Variants in ZNF382 observed in about 807,000 individuals in gnomAD.
The protein encoded by ZNF382 is KRAB/zinc finger suppressor protein 1.
Under a neutral mutation model 38.8 loss-of-function variants are expected in ZNF382, and 20 were observed. That is an observed-to-expected ratio of 0.51 (90% confidence interval 0.36 to 0.75). The LOEUF (loss-of-function observed/expected upper bound fraction) is 0.75. ZNF382 is among the 30% of genes least tolerant of loss of function. The pLI is 0.00. For missense variants in ZNF382, 546 were observed against 654.1 expected (o/e 0.83, Z 1.80); for synonymous variants, 202 against 223.1 (o/e 0.91, Z 0.84).
chr19:36,615,809 T>G (rs1050322663), intron 4 of ZNF382, among the ~76,000 whole-genome samples: 1 of 152,214 alleles, frequency 6.6e-6, no homozygotes, highest in Non-Finnish European at 1.5e-5. Flanking sequence ...TAAGTTGAAT[T>G]TATAGTTTTT....
chr19:36,621,235 T>C (rs1466151724), intron 4 of ZNF382, among the ~76,000 whole-genome samples: 2 of 151,940 alleles, frequency 1.3e-5, no homozygotes, highest in African/African-American at 4.8e-5. Context: ...TATTCTGATT[T>C]GCCATTGACA....
At chr19:36,622,862 A>G (rs1052160851) in intron 4 of ZNF382, among the ~76,000 whole-genome samples, 8 of 152,184 alleles carry the variant, frequency 5.3e-5, no homozygotes, top group African/African-American at 1.4e-4. Flanking sequence ...ACTATATAAT[A>G]TATCATTTAG....
intron 1 of ZNF382, among the ~76,000 whole-genome samples, chr19:36,607,062 A>G (rs942231284): frequency 6.8e-6 from 1 of 146,582 alleles, no homozygotes; most frequent in African/African-American, 2.5e-5. Context: ...GGGCAACAAG[A>G]GTGAAACTCT....
rs2037064957 is a variant in ZNF382, at chr19:36,610,073, C to A, written c.139+20C>A. On this transcript the variant is annotated intron_variant, in intron 3 of 4. Coordinates refer to ENST00000292928, the MANE Select transcript of ZNF382 (RefSeq NM_032825.5). ...CTGTGGGTAAGAAACACTCCTGAAT[C>A]TTTCACTGTCATGCATCTCCTTCTA... 6.2e-7 allele frequency: 1 copy of A among 1,612,176 alleles called. No homozygotes were observed. Among genetic ancestry groups the A allele is most frequent in the African/African-American group, 1.3e-5 (1 of 74,826 alleles).
At chr19:36,608,878 T>C (rs1398158495) in intron 2 of ZNF382, 2 of 152,262 alleles carry the variant, frequency 1.3e-5, no homozygotes, top group Non-Finnish European at 2.9e-5. Context: ...TTTTCCACTC[T>C]ACAGCCAATT....
In ZNF382 at chr19:36,613,862, C is replaced by T. The variant is rs190109335; in HGVS notation, c.232+3120C>T. 9.0e-4 allele frequency among the ~76,000 whole-genome samples: 137 copies of T among 152,260 alleles called. 1 individual carries two copies. The highest frequency in any genetic ancestry group is 9.3e-4 in the Non-Finnish European group (63 of 68,018). On this transcript the variant is annotated intron_variant, in intron 4 of 4. Transcript: ENST00000292928. ...AATTTGTTCCATCAGTATTTATTGA[C>T]TGAATTACTATGGTGATCATAGAGA...
chr19:36,624,922 G>C (rs1441922199), intron 4 of ZNF382, among the ~76,000 whole-genome samples: 4 of 150,634 alleles, frequency 2.7e-5, no homozygotes, highest in Non-Finnish European at 5.9e-5. Context: ...TCAAAAATTA[G>C]CTGGATATGG....
intron 1 of ZNF382, among the ~76,000 whole-genome samples, chr19:36,606,746 A>AT (rs2037032350): frequency 6.6e-6 from 1 of 152,020 alleles, no homozygotes; most frequent in African/African-American, 2.4e-5. Flanking sequence ...TATTTGATAG[A>AT]TTTTTAATAA....
intron 1 of ZNF382, chr19:36,605,831 T>A (rs1301744865): frequency 1.3e-5 from 2 of 152,650 alleles, no homozygotes; most frequent in African/African-American, 4.8e-5. Flanking sequence ...TATTTTTAGA[T>A]TAGGTGTGAG....
rs564406670 is a variant in ZNF382 at position 36,625,589 on chromosome 19, C to T, written c.233-541C>T. Among the ~76,000 whole-genome samples the T allele has an allele frequency of 9.8e-4, 145 of 147,452 alleles. 1 individual carries two copies. Among genetic ancestry groups the T allele is most frequent in the Non-Finnish European group, 1.3e-3 (86 of 67,234 alleles). On this transcript the variant is annotated intron_variant, in intron 4 of 4. Transcript: ENST00000292928. Reference sequence around the variant, plus strand: ...TGGGTGGGGCGGGGGGACAGAGTTTCGCTCTTGTTGCCCAGGCTGGAGTGC... The same window carrying T: ...TGGGTGGGGCGGGGGGACAGAGTTTTGCTCTTGTTGCCCAGGCTGGAGTGC...
At chr19:36,615,697 A>G (rs1365585865) in intron 4 of ZNF382, among the ~76,000 whole-genome samples, 2 of 152,242 alleles carry the variant, frequency 1.3e-5, no homozygotes, top group Non-Finnish European at 2.9e-5. Context: ...AGTTAAATAC[A>G]TAGGTTTGTT....
chr19:36,612,974 G>T (rs1456389565), intron 4 of ZNF382, among the ~76,000 whole-genome samples: 1 of 152,002 alleles, frequency 6.6e-6, no homozygotes, highest in African/African-American at 2.4e-5. Context: ...TGTATTTTTA[G>T]TAGAGACGGG....
intron 4 of ZNF382, among the ~76,000 whole-genome samples, chr19:36,614,541 T>A (rs921763148): frequency 6.6e-6 from 1 of 152,216 alleles, no homozygotes; most frequent in Non-Finnish European, 1.5e-5. Context: ...CTTCTCTAAT[T>A]CCTGAAAGCA....
chr19:36,612,563 T>G (rs980837018), intron 4 of ZNF382, among the ~76,000 whole-genome samples: 6 of 152,260 alleles, frequency 3.9e-5, no homozygotes, highest in African/African-American at 1.4e-4. Flanking sequence ...AAAACTACTA[T>G]ACCATTTTAG....
At chr19:36,613,607 A>G (rs1173379455) in intron 4 of ZNF382, among the ~76,000 whole-genome samples, 4 of 151,576 alleles carry the variant, frequency 2.6e-5, no homozygotes, top group Non-Finnish European at 5.9e-5. Flanking sequence ...CGCCCCGCTA[A>G]TTCTGTATTT....
chr19:36,615,078 G>A (rs940708051), intron 4 of ZNF382, among the ~76,000 whole-genome samples: 2 of 150,112 alleles, frequency 1.3e-5, no homozygotes, highest in African/African-American at 2.5e-5. Flanking sequence ...CGACTCCCGG[G>A]TTCAAATGAT....
chr19:36,621,064 C>T (rs1031624386), intron 4 of ZNF382, among the ~76,000 whole-genome samples: 3 of 151,954 alleles, frequency 2.0e-5, no homozygotes, highest in Admixed American at 1.3e-4. Flanking sequence ...CGGCCTGTTC[C>T]CATAATCTTA....
intron 3 of ZNF382, 122 bp from the exon 4 acceptor site, chr19:36,610,528 A>G (rs527358140): frequency 3.1e-6 from 2 of 646,340 alleles, no homozygotes; most frequent in South Asian, 4.0e-5. Context: ...AGTGTAAGGT[A>G]TTAACTTTGG....
In ZNF382 at chr19:36,629,985, ATTG is replaced by A. The variant is rs2037243138; in HGVS notation, c.*2441_*2443del. 6.6e-6 allele frequency: 1 copy of A among 152,184 alleles called. No homozygotes were observed. Among genetic ancestry groups the A allele is most frequent in the South Asian group, 2.1e-4 (1 of 4,834 alleles). The allele number at this position is 152,184 out of a possible 1,614,324, so 9.4% of individuals were successfully genotyped here. ...GATTCTAGAGTCAATGAGCAAAGGT[ATTG>A]TTGTTACTAATAGGTGATTTTGGCA... On this transcript the variant is annotated 3_prime_UTR_variant, in exon 5 of 5. Transcript: ENST00000292928.
Sources: allele counts gnomAD v4.1 joint callset (sites outside exome capture counted in the v4.1 genomes callset), GRCh38; gene constraint gnomAD v4.1.1; transcripts MANE v1.5; gene names NCBI Gene and HGNC (gene_info 2026-07-23, HGNC 2026-07-21).